ABCA13: variants seen among roughly 807,000 people sequenced by gnomAD.
ABCA13 encodes the protein ATP-binding cassette sub-family A member 13.
In ABCA13, 476 loss-of-function variants were observed where a neutral mutation model predicts 478.7. That is an observed-to-expected ratio of 0.99 (90% CI 0.92 to 1.07). The LOEUF is 1.07. Ranked by LOEUF, ABCA13 falls within the 50% of genes least tolerant of loss-of-function variation. The pLI is 0.00. For missense variants in ABCA13, 6,060 were observed against 5,910.6 expected, an observed-to-expected ratio of 1.03 and a Z score of -0.83; for synonymous variants, 2,252 against 2,158.9, an observed-to-expected ratio of 1.04 and a Z score of -1.20.
At chr7:48,400,486 A>G (rs954113516) in intron 38 of ABCA13, among the ~76,000 whole-genome samples, 5 of 152,240 alleles carry the variant, frequency 3.3e-5, no homozygotes, top group Non-Finnish European at 7.3e-5. Context: ...AGGAATTTGG[A>G]AATGTAACTT....
chr7:48,352,944 G>A (rs186512857), intron 31 of ABCA13, among the ~76,000 whole-genome samples: 1 of 152,022 alleles, frequency 6.6e-6, no homozygotes, highest in East Asian at 1.9e-4. Context: ...GAAGTAATAT[G>A]AGAACATTTA....
intron 23 of ABCA13, among the ~76,000 whole-genome samples, chr7:48,308,623 T>C (rs1009955604): frequency 3.9e-5 from 6 of 152,188 alleles, no homozygotes; most frequent in Non-Finnish European, 7.4e-5. Context: ...TATAATCATA[T>C]TTTTCATCTC....
At chr7:48,424,430 G>A (rs1821147320) in intron 41 of ABCA13, among the ~76,000 whole-genome samples, 2 of 152,144 alleles carry the variant, frequency 1.3e-5, no homozygotes, top group Admixed American at 1.3e-4. Context: ...ATTGTTGATG[G>A]GTTCTTGGAA....
At position 48,240,921 on chromosome 7, in the gene ABCA13, G is replaced by A. The variant is rs994388711; in HGVS notation, c.1117G>A (p.Gly373Ser). 1 of 1,611,892 alleles carries A rather than the reference G, an allele frequency of 6.2e-7. No individual in the cohort carries two copies. The highest frequency in any genetic ancestry group is 8.5e-7 in the Non-Finnish European group (1 of 1,178,536). Residue 373 changes from glycine to serine, a missense_variant, in exon 10 of 62, where the codon GGC becomes AGC. Coordinates refer to ENST00000435803, the MANE Select transcript of ABCA13 (RefSeq NM_152701.5). ...SLLQKTLTGM[G>S]HSLEALRNQF... ...GCTTCAGAAGACACTCACAGGCATG[G>A]GCCATAGTCTGGAGGCTCTCAGGAA...
chr7:48,536,366 G>T (rs982575457), intron 55 of ABCA13, among the ~76,000 whole-genome samples: 3 of 152,096 alleles, frequency 2.0e-5, no homozygotes, highest in Non-Finnish European at 2.9e-5. Flanking sequence ...ATCACTTTAA[G>T]GCCAGGTGCA....
At chr7:48,580,708 A>G (rs1429236109) in intron 56 of ABCA13, among the ~76,000 whole-genome samples, 3 of 152,172 alleles carry the variant, frequency 2.0e-5, no homozygotes, top group South Asian at 4.1e-4. Flanking sequence ...ACTTGTATTC[A>G]GGAAGAAATA....
At chr7:48,448,082 G>A (rs1824522238) in intron 42 of ABCA13, among the ~76,000 whole-genome samples, 1 of 152,174 alleles carries the variant, frequency 6.6e-6, no homozygotes, top group Admixed American at 6.5e-5. Flanking sequence ...GACTTCCAAT[G>A]GGCAGATGCC....
intron 15 of ABCA13, among the ~76,000 whole-genome samples, chr7:48,259,920 T>G (rs1022831185): frequency 6.6e-6 from 1 of 152,090 alleles, no homozygotes; most frequent in Non-Finnish European, 1.5e-5. Flanking sequence ...TACTTGCAAT[T>G]GTATTATGAA....
At chr7:48,468,390 G>GT (rs1827123731) in intron 44 of ABCA13, among the ~76,000 whole-genome samples, 1 of 152,080 alleles carries the variant, frequency 6.6e-6, no homozygotes, top group African/African-American at 2.4e-5. Flanking sequence ...CTGGATTTAT[G>GT]TTTTTGTGTT....
At chr7:48,443,278 C>T (rs1039805550) in intron 42 of ABCA13, among the ~76,000 whole-genome samples, 4 of 152,186 alleles carry the variant, frequency 2.6e-5, no homozygotes, top group Admixed American at 1.3e-4. Flanking sequence ...AAGTCACTTC[C>T]TTGCTGAGCT....
At chr7:48,374,216 T>C in intron 33 of ABCA13, 131 bp from the exon 34 acceptor site, 1 of 739,870 alleles carries the variant, frequency 1.4e-6, no homozygotes. Flanking sequence ...AATGACTGCC[T>C]GAAGCGATGG....
intron 55 of ABCA13, among the ~76,000 whole-genome samples, chr7:48,541,809 A>C (rs1052113911): frequency 1.3e-5 from 2 of 150,510 alleles, no homozygotes; most frequent in Non-Finnish European, 3.0e-5. Context: ...AGGAAAGTTG[A>C]CAGATAACAG....
chr7:48,560,612 C>T (rs924407500), intron 55 of ABCA13, among the ~76,000 whole-genome samples: 3 of 152,066 alleles, frequency 2.0e-5, no homozygotes, highest in Non-Finnish European at 2.9e-5. Flanking sequence ...CTTGTTCCAC[C>T]TCTATTGTGA....
intron 10 of ABCA13, among the ~76,000 whole-genome samples, chr7:48,244,143 A>T (rs1305652951): frequency 6.6e-6 from 1 of 152,190 alleles, no homozygotes; most frequent in African/African-American, 2.4e-5. Context: ...TCCTACAGGC[A>T]TTGCCAATTG....
intron 55 of ABCA13, among the ~76,000 whole-genome samples, chr7:48,530,610 G>C (rs1002572746): frequency 1.3e-5 from 2 of 152,058 alleles, no homozygotes; most frequent in African/African-American, 4.8e-5. Flanking sequence ...CCCACCAACA[G>C]TGTAAAAGTG....
intron 55 of ABCA13, among the ~76,000 whole-genome samples, chr7:48,573,934 A>G (rs1000434279): frequency 1.3e-5 from 2 of 151,962 alleles, no homozygotes; most frequent in African/African-American, 4.8e-5. Flanking sequence ...GTGTGTTTAT[A>G]TAGTCTTCCC....
At chr7:48,639,087 C>T (rs1377233022) in intron 59 of ABCA13, among the ~76,000 whole-genome samples, 1 of 152,170 alleles carries the variant, frequency 6.6e-6, no homozygotes, top group Non-Finnish European at 1.5e-5. Context: ...TTTGGTGCCT[C>T]ACTCACAGAG....
intron 27 of ABCA13, among the ~76,000 whole-genome samples, chr7:48,322,274 G>T (rs775570253): frequency 8.1e-4 from 123 of 152,334 alleles, no homozygotes; most frequent in Admixed American, 1.0e-3. Flanking sequence ...GACTCTGATA[G>T]TTATGTTTGT....
intron 56 of ABCA13, among the ~76,000 whole-genome samples, chr7:48,581,448 G>A (rs1407190077): frequency 6.6e-6 from 1 of 152,152 alleles, no homozygotes; most frequent in Non-Finnish European, 1.5e-5. Context: ...AGACCTGCTG[G>A]TTGTAGTTAA....
Sources: gnomAD v4.1 joint callset for allele counts (sites outside exome capture counted in the v4.1 genomes callset) on GRCh38, gnomAD v4.1.1 for gene constraint, MANE v1.5 for transcripts, NCBI Gene and HGNC (gene_info 2026-07-23, HGNC 2026-07-21) for gene names.